SPMIP4: variants seen among roughly 807,000 people sequenced by gnomAD.
The protein encoded by SPMIP4 is sperm-associated microtubule inner protein 4.
the SPMIP4 span, chr7:25,142,939 T>C: frequency 1.7e-6 from 1 of 596,598 alleles, no homozygotes; most frequent in South Asian, 3.5e-5. Context: ...TTTTTTTTTG[T>C]CATTAATTAC....
the SPMIP4 span, among the ~76,000 whole-genome samples, chr7:25,132,950 GT>G: frequency 1.3e-5 from 2 of 151,956 alleles, no homozygotes; most frequent in African/African-American, 4.8e-5. This position sits in a 1 kb window ranked among gnomAD's most constrained non-coding sequence, Gnocchi z 5.0. Flanking sequence ...ACTCTTACAT[GT>G]GTGCAATTTA....
At chr7:25,166,998 C>T in the SPMIP4 span, among the ~76,000 whole-genome samples, 1 of 152,210 alleles carries the variant, frequency 6.6e-6, no homozygotes, top group Non-Finnish European at 1.5e-5. Context: ...GCACAAATAT[C>T]ATTTTGAAGT....
chr7:25,154,264 A>C, the SPMIP4 span, among the ~76,000 whole-genome samples: 1 of 152,214 alleles, frequency 6.6e-6, no homozygotes, highest in African/African-American at 2.4e-5. Flanking sequence ...AGGATAGGAC[A>C]ATTCTTGAGT....
At chr7:25,156,296 C>A in the SPMIP4 span, among the ~76,000 whole-genome samples, 3 of 152,088 alleles carry the variant, frequency 2.0e-5, no homozygotes, top group East Asian at 5.8e-4. Flanking sequence ...TCAGAAGGAA[C>A]CAACCCTGCT....
the SPMIP4 span, among the ~76,000 whole-genome samples, chr7:25,176,565 T>A: frequency 6.6e-6 from 1 of 152,230 alleles, no homozygotes; most frequent in Non-Finnish European, 1.5e-5. The surrounding 1 kb of genome is among the most constrained non-coding windows in gnomAD (Gnocchi z 4.4). Context: ...ATATTTCTTT[T>A]CATTAAGTGA....
At chr7:25,158,364 G>T in the SPMIP4 span, 12,519 of 520,918 alleles carry the variant, frequency 0.024, 435 homozygotes, top group African/African-American at 0.14. Context: ...GTGAGACTCT[G>T]TCTCAAAAAA....
At chr7:25,177,777 AG>A in the SPMIP4 span, among the ~76,000 whole-genome samples, 1 of 152,224 alleles carries the variant, frequency 6.6e-6, no homozygotes, top group Non-Finnish European at 1.5e-5. Flanking sequence ...ATCACTAGAT[AG>A]GTGCAATTAT....
chr7:25,142,896 G>T, the SPMIP4 span: 1 of 1,065,688 alleles, frequency 9.4e-7, no homozygotes, highest in Non-Finnish European at 1.3e-6. Flanking sequence ...CAGGAAAGAG[G>T]CAAAGGAAAT....
At chr7:25,144,138 C>T in the SPMIP4 span, among the ~76,000 whole-genome samples, 18 of 152,144 alleles carry the variant, frequency 1.2e-4, no homozygotes, top group Admixed American at 3.3e-4. Context: ...GCTGGGTGCC[C>T]TCACAGCCAG....
the SPMIP4 span, among the ~76,000 whole-genome samples, chr7:25,133,043 T>C: frequency 6.6e-6 from 1 of 152,236 alleles, no homozygotes; most frequent in South Asian, 2.1e-4. Context: ...CACTTTTTGC[T>C]AAAATTCATA....
At chr7:25,179,665 A>G in the SPMIP4 span, 1 of 174,292 alleles carries the variant, frequency 5.7e-6, no homozygotes, top group Non-Finnish European at 1.2e-5. Flanking sequence ...AACTCACTTG[A>G]CTTTTAGCCT....
the SPMIP4 span, chr7:25,142,705 T>C: frequency 5.6e-6 from 9 of 1,613,298 alleles, no homozygotes; most frequent in Non-Finnish European, 7.6e-6. Flanking sequence ...TATGTTGGCT[T>C]CTTTGGCAGA....
At chr7:25,156,274 C>T in the SPMIP4 span, among the ~76,000 whole-genome samples, 1 of 152,122 alleles carries the variant, frequency 6.6e-6, no homozygotes, top group African/African-American at 2.4e-5. Flanking sequence ...GACAGAGTCT[C>T]TATCACAGTC....
the SPMIP4 span, among the ~76,000 whole-genome samples, chr7:25,131,961 A>T: frequency 6.6e-6 from 1 of 152,292 alleles, no homozygotes; most frequent in African/African-American, 2.4e-5. This position sits in a 1 kb window ranked among gnomAD's most constrained non-coding sequence, Gnocchi z 4.2. Flanking sequence ...GGCGGCAAAC[A>T]GCAGTGGTGG....
the SPMIP4 span, among the ~76,000 whole-genome samples, chr7:25,164,083 C>G: frequency 2.6e-5 from 4 of 152,122 alleles, no homozygotes; most frequent in Admixed American, 2.6e-4. Context: ...GTGTGGGACA[C>G]GCTCTGAACC....
the SPMIP4 span, among the ~76,000 whole-genome samples, chr7:25,163,812 T>C: frequency 6.6e-6 from 1 of 152,310 alleles, no homozygotes; most frequent in South Asian, 2.1e-4. The surrounding 1 kb of genome is among the most constrained non-coding windows in gnomAD (Gnocchi z 4.4). Flanking sequence ...TTCTTCAAAA[T>C]AGGGATTTCC....
chr7:25,170,297 T>C, the SPMIP4 span, among the ~76,000 whole-genome samples: 1 of 152,240 alleles, frequency 6.6e-6, no homozygotes, highest in Non-Finnish European at 1.5e-5. Flanking sequence ...CAATGACTAA[T>C]GATGTTGAGC....
the SPMIP4 span, among the ~76,000 whole-genome samples, chr7:25,141,669 G>T: frequency 7.0e-6 from 1 of 143,384 alleles, no homozygotes; most frequent in South Asian, 2.6e-4. Flanking sequence ...TGCTTCTTTT[G>T]TAAGTTATTT....
chr7:25,159,589 A>AT, the SPMIP4 span, among the ~76,000 whole-genome samples: 3 of 152,194 alleles, frequency 2.0e-5, no homozygotes, highest in Non-Finnish European at 4.4e-5. Flanking sequence ...ACACTGTTTA[A>AT]TTTTTTAGAT....
Sources: gnomAD v4.1 joint callset for allele counts (sites outside exome capture counted in the v4.1 genomes callset) on GRCh38, gnomAD v4.1.1 for gene constraint, Gnocchi (gnomAD v3.1) non-coding constraint, MANE v1.5 for transcripts, NCBI Gene and HGNC (gene_info 2026-07-23, HGNC 2026-07-21) for gene names.